Variants in ZHX2 observed in about 807,000 individuals in gnomAD.
ZHX2 encodes zinc fingers and homeoboxes 2.
Under a neutral mutation model 21.9 loss-of-function variants are expected in ZHX2, and 6 were observed. The observed-to-expected ratio is 0.27, with a 90% CI of 0.15 to 0.54. The LOEUF (loss-of-function observed/expected upper bound fraction) is 0.54. Ranked by LOEUF, ZHX2 falls within the 20% of genes least tolerant of loss-of-function variation. The probability of loss-of-function intolerance (pLI) is 0.95; values close to 1 mark genes in which losing one functional copy is unlikely to be tolerated. For missense variants in ZHX2, 908 were observed against 1,090.7 expected (o/e 0.83, Z 2.36); for synonymous variants, 434 against 437.1 (o/e 0.99, Z 0.09).
At chr8:122,904,541 A>T (rs1001319982) in intron 2 of ZHX2, among the ~76,000 whole-genome samples, 1 of 152,126 alleles carries the variant, frequency 6.6e-6, no homozygotes, top group South Asian at 2.1e-4. Context: ...AGTCAGAGAG[A>T]GGTATCAATG....
At chr8:122,797,251 G>A (rs1817630557) in intron 1 of ZHX2, among the ~76,000 whole-genome samples, 1 of 152,150 alleles carries the variant, frequency 6.6e-6, no homozygotes, top group African/African-American at 2.4e-5. Context: ...TGTGACTTGG[G>A]GATCCACGCT....
At chr8:122,838,644 C>T (rs1332867897) in intron 1 of ZHX2, among the ~76,000 whole-genome samples, 3 of 141,346 alleles carry the variant, frequency 2.1e-5, no homozygotes, top group South Asian at 2.2e-4. Context: ...GGCTCGATCT[C>T]GGCTCACTGC....
intron 1 of ZHX2, among the ~76,000 whole-genome samples, chr8:122,803,129 G>A (rs1312199467): frequency 2.0e-5 from 3 of 152,120 alleles, no homozygotes; most frequent in Non-Finnish European, 2.9e-5. Context: ...AGCCTGGAAC[G>A]AGGGTGGGGA....
chr8:122,898,390 G>A (rs1175874464), intron 2 of ZHX2, among the ~76,000 whole-genome samples: 1 of 152,114 alleles, frequency 6.6e-6, no homozygotes, highest in East Asian at 1.9e-4. Flanking sequence ...GATAGTGGTG[G>A]TATCATTAAC....
chr8:122,935,011 A>G (rs750090323), intron 2 of ZHX2, among the ~76,000 whole-genome samples: 3 of 152,206 alleles, frequency 2.0e-5, no homozygotes, highest in Admixed American at 6.5e-5. Context: ...ATAAGCTGTC[A>G]AGACAGTGCA....
chr8:122,903,547 C>A (rs1820279790), intron 2 of ZHX2, among the ~76,000 whole-genome samples: 1 of 152,130 alleles, frequency 6.6e-6, no homozygotes, highest in Non-Finnish European at 1.5e-5. Flanking sequence ...GCAGACATGT[C>A]AGGCAGAAAA....
At chr8:122,904,857 A>G (rs1820309913) in intron 2 of ZHX2, among the ~76,000 whole-genome samples, 1 of 152,396 alleles carries the variant, frequency 6.6e-6, no homozygotes, top group African/African-American at 2.4e-5. Flanking sequence ...TTAAAATTTT[A>G]CAGATTATAA....
chr8:122,823,524 TTGCA>T (rs1818199312), intron 1 of ZHX2, among the ~76,000 whole-genome samples: 1 of 152,190 alleles, frequency 6.6e-6, no homozygotes, highest in Non-Finnish European at 1.5e-5. Flanking sequence ...AGGTCTTACT[TTGCA>T]TTTATGAGAT....
chr8:122,800,844 C>G (rs1472653889), intron 1 of ZHX2, among the ~76,000 whole-genome samples: 1 of 152,134 alleles, frequency 6.6e-6, no homozygotes, highest in African/African-American at 2.4e-5. Context: ...TGTGGGGGAG[C>G]TTGCCTGAAA....
At chr8:122,866,056 G>C (rs1386363063) in intron 2 of ZHX2, among the ~76,000 whole-genome samples, 1 of 152,196 alleles carries the variant, frequency 6.6e-6, no homozygotes, top group East Asian at 1.9e-4. Flanking sequence ...TGACCTCTCA[G>C]AACACCCCTT....
intron 1 of ZHX2, among the ~76,000 whole-genome samples, chr8:122,827,091 GC>G (rs1442962786): frequency 6.6e-6 from 1 of 152,078 alleles, no homozygotes; most frequent in African/African-American, 2.4e-5. Context: ...CTCTATCTCG[GC>G]TCACTGCAAC....
At chr8:122,867,981 C>G (rs1326741991) in intron 2 of ZHX2, among the ~76,000 whole-genome samples, 2 of 152,180 alleles carry the variant, frequency 1.3e-5, no homozygotes, top group Non-Finnish European at 2.9e-5. Flanking sequence ...GAAATGTCCA[C>G]TTAATTCTTC....
chr8:122,885,160 A>G (rs1279715817), intron 2 of ZHX2, among the ~76,000 whole-genome samples: 1 of 152,218 alleles, frequency 6.6e-6, no homozygotes, highest in East Asian at 1.9e-4. Context: ...AACCAGGTCG[A>G]CTGGAAGAGC....
chr8:122,935,393 C>T (rs923800622), intron 2 of ZHX2, among the ~76,000 whole-genome samples: 1 of 152,008 alleles, frequency 6.6e-6, no homozygotes, highest in Non-Finnish European at 1.5e-5. Flanking sequence ...TTGCAATGAA[C>T]ATAAAATTGT....
intron 1 of ZHX2, among the ~76,000 whole-genome samples, chr8:122,806,019 C>T (rs1218088153): frequency 6.6e-6 from 1 of 152,234 alleles, no homozygotes; most frequent in Non-Finnish European, 1.5e-5. Flanking sequence ...CTCCCATTCT[C>T]ATCACTAGTT....
intron 1 of ZHX2, among the ~76,000 whole-genome samples, chr8:122,861,226 G>A (rs1425543225): frequency 6.6e-6 from 1 of 152,108 alleles, no homozygotes; most frequent in South Asian, 2.1e-4. Context: ...ACTACACTCA[G>A]CTGTGTCAGG....
intron 2 of ZHX2, among the ~76,000 whole-genome samples, chr8:122,897,328 G>C (rs1820121978): frequency 6.6e-6 from 1 of 152,158 alleles, no homozygotes; most frequent in African/African-American, 2.4e-5. Context: ...ATGATCTTTG[G>C]GGGATAACAG....
upstream of ZHX2, chr8:122,780,815 CTG>C (rs1416746733): frequency 6.6e-6 from 1 of 152,232 alleles, no homozygotes; most frequent in East Asian, 1.9e-4. Flanking sequence ...TTCTTCGAAT[CTG>C]AGAATTCCAG....
At chr8:122,955,465 C>A (rs187991913) in intron 3 of ZHX2, among the ~76,000 whole-genome samples, 226 of 152,314 alleles carry the variant, frequency 1.5e-3, no homozygotes, top group Non-Finnish European at 2.6e-3. Context: ...ACAACTTTGG[C>A]TGACCACGTC....
Sources: gnomAD v4.1 joint callset for allele counts (sites outside exome capture counted in the v4.1 genomes callset) on GRCh38, gnomAD v4.1.1 for gene constraint, MANE v1.5 for transcripts, NCBI Gene and HGNC (gene_info 2026-07-23, HGNC 2026-07-21) for gene names.